The following MAP3K13 variants were observed in gnomAD, a reference collection of about 807,000 sequenced individuals.
MAP3K13 encodes the protein leucine zipper-bearing kinase.
A neutral mutation model predicts 104.0 loss-of-function variants in MAP3K13; 52 were observed. The observed-to-expected ratio is 0.50, with a 90% CI of 0.40 to 0.63. MAP3K13 has a LOEUF of 0.63. Among genes scored for constraint, MAP3K13 ranks in the 20% least tolerant of loss-of-function variants. The pLI, the probability that MAP3K13 is intolerant of heterozygous loss-of-function variation, is 0.00. For missense variants in MAP3K13, 914 were observed against 1,218.5 expected (o/e 0.75, Z 3.72); for synonymous variants, 394 against 442.2 (o/e 0.89, Z 1.37).
chr3:185,389,007 G>C (rs768193528), intron 1 of MAP3K13, among the ~76,000 whole-genome samples: 10 of 152,064 alleles, frequency 6.6e-5, no homozygotes, highest in Non-Finnish European at 1.0e-4. Flanking sequence ...ATTCTGGTTA[G>C]GGAGTTGACC....
Position 185,449,980 on chromosome 3 carries a change from G to T in MAP3K13, c.1091G>T (p.Gly364Val). 1 of 1,613,534 alleles carries T rather than the reference G, an allele frequency of 6.2e-7. No homozygotes were observed. The highest frequency in any genetic ancestry group is 8.5e-7 in the Non-Finnish European group (1 of 1,179,688). ...KDVDSSAIIW[G>V]VGSNSLHLPV... ...GTAGATTCTTCAGCCATTATCTGGG[G>T]TGTTGGAAGCAACAGCCTCCACCTT... Residue 364 changes from glycine (G) to valine (V), a missense_variant, in exon 6 of 14, where the codon GGT becomes GTT. By Grantham distance (109) the Gly-to-Val change is moderately radical (BLOSUM62 -3). This residue lies in a region of MAP3K13 where 175 missense variants were observed against 321.3 expected (regional missense o/e 0.54). Transcript: ENST00000265026.
intron 7 of MAP3K13, among the ~76,000 whole-genome samples, chr3:185,454,999 T>G (rs183949273): frequency 4.5e-4 from 19 of 41,844 alleles, no homozygotes; most frequent in Admixed American, 4.4e-3. Flanking sequence ...ATATATATGA[T>G]ATATATGAGA....
chr3:185,433,191 GT>G (rs1714844823), intron 2 of MAP3K13, among the ~76,000 whole-genome samples: 2 of 152,182 alleles, frequency 1.3e-5, no homozygotes. Context: ...AGCAAGTACT[GT>G]CATGGCCATG....
At chr3:185,389,595 A>G (rs1187588725) in intron 1 of MAP3K13, among the ~76,000 whole-genome samples, 1 of 152,036 alleles carries the variant, frequency 6.6e-6, no homozygotes, top group Non-Finnish European at 1.5e-5. Context: ...AAAAAATACA[A>G]TAGTATTCCT....
intron 2 of MAP3K13, among the ~76,000 whole-genome samples, chr3:185,351,773 C>A (rs1374558442): frequency 4.6e-5 from 7 of 152,162 alleles, no homozygotes; most frequent in African/African-American, 1.7e-4. Flanking sequence ...GAGTAAGTAG[C>A]AGTAACAGAG....
rs896864289 is a variant in MAP3K13 at position 185,307,915 on chromosome 3, GTCTA to G, written c.-86+22276_-86+22279del. Among the ~76,000 whole-genome samples the G allele has an allele frequency of 4.7e-5, 7 of 148,896 alleles. 1 individual carries two copies. The highest frequency in any genetic ancestry group is 1.7e-4 in the African/African-American group (7 of 40,428). On this transcript the variant is annotated intron_variant, in intron 2 of 14. Transcript: ENST00000424227. ...ATCATTTTCCTGACTTCCTTTATTT[GTCTA>G]TCTGTCCTCTTGTAGTGCATTGAGT...
upstream of MAP3K13, among the ~76,000 whole-genome samples, chr3:185,359,285 C>T (rs1224928088): frequency 6.6e-6 from 1 of 152,124 alleles, no homozygotes; most frequent in Non-Finnish European, 1.5e-5. Flanking sequence ...ACCATGAGAA[C>T]AGTATGGAGG....
chr3:185,370,989 T>G (rs192052645), intron 1 of MAP3K13, among the ~76,000 whole-genome samples: 1 of 152,246 alleles, frequency 6.6e-6, no homozygotes, highest in Non-Finnish European at 1.5e-5. Context: ...CTATATTAAA[T>G]TGAAAAAATG....
Position 185,423,745 on chromosome 3 carries a change from T to G in MAP3K13, c.-85-4752T>G, listed in dbSNP as rs1200741673. Among the ~76,000 whole-genome samples, 1 of 152,200 alleles carries G rather than the reference T, an allele frequency of 6.6e-6. No individual in the cohort carries two copies. Among genetic ancestry groups the G allele is most frequent in the Non-Finnish European group, 1.5e-5 (1 of 68,034 alleles). Reference sequence around the variant, plus strand: ...GTTAGGAGGGAAGAATCACCTGCACTGTATCGTAAGCTTTCAGAGCCCACG... The same window carrying G: ...GTTAGGAGGGAAGAATCACCTGCACGGTATCGTAAGCTTTCAGAGCCCACG... On this transcript the variant is annotated intron_variant, in intron 1 of 13. Coordinates refer to ENST00000265026, the MANE Select transcript of MAP3K13 (RefSeq NM_004721.5). This position sits in a 1 kb window ranked among gnomAD's most constrained non-coding sequence, Gnocchi z 4.1.
intron 2 of MAP3K13, among the ~76,000 whole-genome samples, chr3:185,309,376 G>A (rs560093080): frequency 4.2e-4 from 64 of 152,142 alleles, no homozygotes; most frequent in Non-Finnish European, 8.4e-4. Context: ...TGGGTGTGGT[G>A]CCACATGCCT....
intron 1 of MAP3K13, among the ~76,000 whole-genome samples, chr3:185,419,520 T>C (rs1714000203): frequency 6.6e-6 from 1 of 152,176 alleles, no homozygotes; most frequent in African/African-American, 2.4e-5. Context: ...TATAGAAAAC[T>C]TCAAAGAACA....
chr3:185,390,621 A>ATTTT (rs750832762), intron 1 of MAP3K13, among the ~76,000 whole-genome samples: 3 of 123,686 alleles, frequency 2.4e-5, no homozygotes, highest in African/African-American at 3.2e-5. Flanking sequence ...TACAGTCAGA[A>ATTTT]TTTTTTTTTT....
chr3:185,375,833 G>A (rs956717208), intron 1 of MAP3K13, among the ~76,000 whole-genome samples: 3 of 152,164 alleles, frequency 2.0e-5, no homozygotes, highest in African/African-American at 7.2e-5. Context: ...CCCTTGCCTA[G>A]TGAGGAAATT....
intron 9 of MAP3K13, 130 bp downstream of exon 9, chr3:185,465,993 G>C: frequency 1.4e-6 from 1 of 733,656 alleles, no homozygotes; most frequent in South Asian, 1.6e-5. Flanking sequence ...ATTCCTTCCG[G>C]GATGTGCTAT....
At chr3:185,406,877 G>T (rs1339327406) in intron 1 of MAP3K13, among the ~76,000 whole-genome samples, 1 of 152,140 alleles carries the variant, frequency 6.6e-6, no homozygotes, top group Non-Finnish European at 1.5e-5. Context: ...TTGTTTTCAT[G>T]CTAGGCAAGT....
chr3:185,321,142 T>C, intron 2 of MAP3K13, among the ~76,000 whole-genome samples: 1 of 150,786 alleles, frequency 6.6e-6, no homozygotes, highest in Admixed American at 6.6e-5. Flanking sequence ...ATGTGTATAT[T>C]ACATATATGC....
rs556185279 is a variant in MAP3K13 at position 185,429,097 on chromosome 3, A to G, written c.475+41A>G. ...GACTTGGAAGATATTTCTTGTGTAAACACACCATCACCACCACCGTCACCA... is the reference window on the plus strand; with the variant it reads ...GACTTGGAAGATATTTCTTGTGTAAGCACACCATCACCACCACCGTCACCA... On this transcript the variant is annotated intron_variant, in intron 2 of 13. Coordinates refer to ENST00000265026, the MANE Select transcript of MAP3K13 (RefSeq NM_004721.5). The G allele has an allele frequency of 1.6e-5, 25 of 1,564,254 alleles. No individual in the cohort carries two copies. In the African/African-American group the frequency reaches 2.3e-4, roughly 14 times the overall value.
chr3:185,362,969 ACACACACACACACT>A, upstream of MAP3K13: 1 of 304,702 alleles, frequency 3.3e-6, no homozygotes, highest in Non-Finnish European at 4.9e-6. Context: ...ACACACACAC[ACACACACACACACT>A]CAAGCTGCCA....
At chr3:185,415,663 A>C (rs913058608) in intron 1 of MAP3K13, among the ~76,000 whole-genome samples, 13 of 139,220 alleles carry the variant, frequency 9.3e-5, no homozygotes, top group Non-Finnish European at 1.7e-4. Context: ...GTCTCACTGC[A>C]ACCTTTGCCT....
Sources: gnomAD v4.1 joint callset for allele counts (sites outside exome capture counted in the v4.1 genomes callset) on GRCh38, gnomAD v4.1.1 for gene constraint, gnomAD v4.1.1 regional missense constraint, Gnocchi (gnomAD v3.1) non-coding constraint, MANE v1.5 for transcripts, NCBI Gene and HGNC (gene_info 2026-07-23, HGNC 2026-07-21) for gene names.